The following KCNN1 variants were observed in gnomAD, a reference collection of about 807,000 sequenced individuals.
KCNN1 encodes the protein small conductance calcium-activated potassium channel protein 1.
Under a neutral mutation model 44.7 loss-of-function variants are expected in KCNN1, and 20 were observed. The observed-to-expected ratio is 0.45, with a 90% CI of 0.32 to 0.65. The LOEUF is 0.65. KCNN1 is among the 30% of genes least tolerant of loss of function. The probability of loss-of-function intolerance (pLI) is 0.05; values close to 1 mark genes in which losing one functional copy is unlikely to be tolerated. For missense variants in KCNN1, 632 were observed against 785.3 expected (o/e 0.80, Z 2.33); for synonymous variants, 324 against 341.7 (o/e 0.95, Z 0.57).
Position 17,974,423 on chromosome 19 carries a change from C to T in KCNN1, c.402+133C>T, listed in dbSNP as rs2032138644. On this transcript the variant is annotated intron_variant, in intron 2 of 9. Transcript: ENST00000684775. This position sits in a 1 kb window ranked among gnomAD's most constrained non-coding sequence, Gnocchi z 7.3. ...TAGGGGGCTCCCGGAGGTGAGGGCTCCCTGGCCTTCTGCATACCCACCTCC... is the reference window on the plus strand; with the variant it reads ...TAGGGGGCTCCCGGAGGTGAGGGCTTCCTGGCCTTCTGCATACCCACCTCC... 3.0e-6 allele frequency: 3 copies of T among 1,006,720 alleles called. No individual in the cohort carries two copies. Among genetic ancestry groups the T allele is most frequent in the Non-Finnish European group, 4.2e-6 (3 of 718,768 alleles). The allele number at this position is 1,006,720 out of a possible 1,614,324, so 62.4% of individuals were successfully genotyped here. A position where few individuals can be genotyped will look rare whatever the true frequency, so the allele number is the denominator to read the frequency against.
intron 3 of KCNN1, among the ~76,000 whole-genome samples, chr19:17,977,962 T>C (rs1410214320): frequency 2.0e-5 from 3 of 151,956 alleles, no homozygotes; most frequent in African/African-American, 7.2e-5. Flanking sequence ...AGATTAGTGG[T>C]TGCCGGGGGC....
intron 1 of KCNN1, among the ~76,000 whole-genome samples, chr19:17,969,757 T>C (rs559305804): frequency 6.6e-6 from 1 of 152,332 alleles, no homozygotes; most frequent in Admixed American, 6.5e-5. Flanking sequence ...GGCCACCCGC[T>C]TCTCATCCCT....
chr19:17,987,022 G>T (rs2032622724), intron 5 of KCNN1, among the ~76,000 whole-genome samples: 1 of 151,652 alleles, frequency 6.6e-6, no homozygotes, highest in South Asian at 2.1e-4. Context: ...GGCCAGTCTG[G>T]TCTTGAACTC....
chr19:17,981,156 G>A (rs2032390908), intron 3 of KCNN1, among the ~76,000 whole-genome samples: 1 of 152,032 alleles, frequency 6.6e-6, no homozygotes, highest in South Asian at 2.1e-4. Context: ...GGCAGAGGTT[G>A]CCAAGATCGT....
chr19:17,974,382 G>A lies in KCNN1; in HGVS notation c.402+92G>A, dbSNP rs747204969. 378 of 1,373,800 alleles carry A rather than the reference G, an allele frequency of 2.8e-4. No individual in the cohort carries two copies. Among genetic ancestry groups the A allele is most frequent in the Non-Finnish European group, 3.4e-4 (348 of 1,036,676 alleles). 85.1% of individuals were successfully genotyped at this position (1,373,800 alleles called of 1,614,324 possible). On this transcript the variant is annotated intron_variant, in intron 2 of 9. Coordinates refer to ENST00000684775, the MANE Select transcript of KCNN1 (RefSeq NM_001386974.1). This position sits in a 1 kb window ranked among gnomAD's most constrained non-coding sequence, Gnocchi z 7.3. ...GGGGTTGGGGGTGGCAGGGCCCCCC[G>A]GGAGATAGGGAGTGTTAGGGGGCTC...
intron 1 of KCNN1, among the ~76,000 whole-genome samples, chr19:17,969,142 G>C (rs984575627): frequency 1.2e-4 from 19 of 152,124 alleles, no homozygotes; most frequent in Admixed American, 1.2e-3. Context: ...AGATTGCAGT[G>C]GGGGAGGGGA....
At chr19:17,967,106 C>T (rs1310250907), upstream of KCNN1, 4 of 979,626 alleles carry the variant, frequency 4.1e-6, no homozygotes, top group Non-Finnish European at 4.8e-6. Flanking sequence ...CCGGCCCGGG[C>T]GGGCGCTCGC....
At chr19:17,990,983 A>C (rs1049648552) in intron 7 of KCNN1, among the ~76,000 whole-genome samples, 1 of 151,914 alleles carries the variant, frequency 6.6e-6, no homozygotes, top group Non-Finnish European at 1.5e-5. Context: ...TACTTAGTAG[A>C]GTCTGGGTTG....
chr19:17,979,454 A>AAT (rs2032322369), intron 3 of KCNN1, among the ~76,000 whole-genome samples: 1 of 136,426 alleles, frequency 7.3e-6, no homozygotes, highest in African/African-American at 2.7e-5. Flanking sequence ...AAAAAAAAAA[A>AAT]GGAAGGAGTT....
Position 17,998,307 on chromosome 19 carries a change from G to T in KCNN1, c.1533G>T (p.Pro511=). ...TCGCCCAAGCCATACGCCCACCCCCGCCTCCCCTGCCTCCCAGGCCCGGCC... is the reference window on the plus strand; with the variant it reads ...TCGCCCAAGCCATACGCCCACCCCCTCCTCCCCTGCCTCCCAGGCCCGGCC... ...GLIAQAIRPP[P]PPLPPRPGPG... is the part of the protein sequence containing the mutation. The change falls in exon 10 of 10, where the codon CCG becomes CCT. Residue 511 remains proline, a synonymous_variant. Coordinates refer to ENST00000684775, the MANE Select transcript of KCNN1 (RefSeq NM_001386974.1). This position sits in a 1 kb window ranked among gnomAD's most constrained non-coding sequence, Gnocchi z 5.4. The T allele has an allele frequency of 1.5e-6, 2 of 1,311,892 alleles. No individual in the cohort carries two copies. The highest frequency in any genetic ancestry group is 2.0e-6 in the Non-Finnish European group (2 of 995,068). 81.3% of individuals were successfully genotyped at this position (1,311,892 alleles called of 1,614,324 possible).
At chr19:17,985,643 C>T (rs751655240) in intron 5 of KCNN1, among the ~76,000 whole-genome samples, 190 bp downstream of exon 5, 9 of 152,238 alleles carry the variant, frequency 5.9e-5, no homozygotes, top group Non-Finnish European at 7.3e-5. Flanking sequence ...GGAAGCCACA[C>T]CCACAGGCTT....
At chr19:17,985,247 G>T (rs1473724195) in intron 4 of KCNN1, 65 bp from the exon 5 acceptor site, 2 of 1,451,782 alleles carry the variant, frequency 1.4e-6, no homozygotes, top group African/African-American at 2.8e-5. Context: ...GCCCCAGGGG[G>T]TGTGATGGAG....
intron 5 of KCNN1, among the ~76,000 whole-genome samples, chr19:17,985,952 G>A (rs1038526778): frequency 6.6e-5 from 10 of 152,202 alleles, no homozygotes; most frequent in Admixed American, 2.0e-4. Flanking sequence ...GCTGGGGGCC[G>A]GGCGTGGTGG....
At position 17,983,718 on chromosome 19, in the gene KCNN1, C is replaced by T. The variant is rs956924703; in HGVS notation, c.917+1591C>T. On this transcript the variant is annotated intron_variant, in intron 4 of 9. Coordinates refer to ENST00000684775, the MANE Select transcript of KCNN1 (RefSeq NM_001386974.1). The surrounding 1 kb of genome is among the most constrained non-coding windows in gnomAD (Gnocchi z 4.5). ...CCCCGCCTCCCGCATGTCCCCCAGCCGTGCTCCTGGGTGGTCCCGCGGCAC... is the reference window on the plus strand; with the variant it reads ...CCCCGCCTCCCGCATGTCCCCCAGCTGTGCTCCTGGGTGGTCCCGCGGCAC... Among the ~76,000 whole-genome samples, 2 of 152,030 alleles carry T rather than the reference C, an allele frequency of 1.3e-5. No homozygotes were observed. Among genetic ancestry groups the T allele is most frequent in the Non-Finnish European group, 2.9e-5 (2 of 67,974 alleles).
chr19:17,957,228 G>C (rs1275093633), intron 2 of KCNN1, among the ~76,000 whole-genome samples: 1 of 100,576 alleles, frequency 9.9e-6, no homozygotes, highest in Non-Finnish European at 2.1e-5. Context: ...GGGGAGGGGA[G>C]GGGATGGTGG....
chr19:17,961,831 C>T (rs951202517), intron 2 of KCNN1, among the ~76,000 whole-genome samples: 1 of 152,108 alleles, frequency 6.6e-6, no homozygotes, highest in Non-Finnish European at 1.5e-5. Flanking sequence ...TCAGGTGATC[C>T]ACCCGCCTCG....
chr19:17,982,704 C>G, intron 4 of KCNN1: 1 of 583,838 alleles, frequency 1.7e-6, no homozygotes, highest in African/African-American at 2.0e-5. Context: ...ACGGGCCCGG[C>G]GGGGTGGGTC....
Position 17,973,960 on chromosome 19 carries a change from C to T in KCNN1, c.72C>T (p.Asp24=). 2 of 1,561,028 alleles carry T rather than the reference C, an allele frequency of 1.3e-6. No homozygotes were observed. Among genetic ancestry groups the T allele is most frequent in the Non-Finnish European group, 1.7e-6 (2 of 1,155,228 alleles). The change falls in exon 2 of 10, where the codon GAC becomes GAT. Residue 24 remains aspartate, a synonymous_variant. Coordinates refer to ENST00000684775, the MANE Select transcript of KCNN1 (RefSeq NM_001386974.1). ...GCGGGCCGGGCGCCCTGGGACGAGA[C>T]CCTCCGGACCCTGAGGCCGGCCACC... ...LGSGPGALGR[D]PPDPEAGHPP...
chr19:17,985,333 G>T lies in KCNN1; in HGVS notation c.939G>T (p.Val313=). Reference sequence around the variant, plus strand: ...CCAGGTACCACGACAAGCAGGAAGTGACCAGCAACTTCCTGGGGGCCATGT... The same window carrying T: ...CCAGGTACCACGACAAGCAGGAAGTTACCAGCAACTTCCTGGGGGCCATGT... The part of the protein sequence containing the change: ...VCERYHDKQE[V]TSNFLGAMWL... Residue 313 remains valine (V), a synonymous_variant, in exon 5 of 10, where the codon GTG becomes GTT. Transcript: ENST00000684775. 6.2e-7 allele frequency: 1 copy of T among 1,606,610 alleles called. No homozygotes were observed. The highest frequency in any genetic ancestry group is 8.5e-7 in the Non-Finnish European group (1 of 1,175,722).
Sources: gnomAD v4.1 joint callset for allele counts (sites outside exome capture counted in the v4.1 genomes callset) on GRCh38, gnomAD v4.1.1 for gene constraint, Gnocchi (gnomAD v3.1) non-coding constraint, MANE v1.5 for transcripts, NCBI Gene and HGNC (gene_info 2026-07-23, HGNC 2026-07-21) for gene names.